Variants in ADNP observed in about 807,000 individuals in gnomAD.
ADNP encodes activity dependent neuroprotector homeobox.
Under a neutral mutation model 84.9 loss-of-function variants are expected in ADNP, and 4 were observed. The ratio of observed to expected loss-of-function variants is 0.05; its 90% CI spans 0.02 to 0.11. ADNP has a LOEUF of 0.11. Ranked by LOEUF, ADNP falls within the 10% of genes least tolerant of loss-of-function variation. The pLI is 1.00. For missense variants in ADNP, 1,132 were observed against 1,326.0 expected (o/e 0.85, Z 2.27); for synonymous variants, 554 against 468.1 (o/e 1.18, Z -2.37).
At chr20:50,923,735 C>T (rs1984108962) in intron 2 of ADNP, among the ~76,000 whole-genome samples, 1 of 152,128 alleles carries the variant, frequency 6.6e-6, no homozygotes, top group Non-Finnish European at 1.5e-5. Flanking sequence ...CCAGGCTGGT[C>T]TTGAACTCCT....
intron 2 of ADNP, among the ~76,000 whole-genome samples, chr20:50,927,571 T>C (rs1984375353): frequency 6.6e-6 from 1 of 152,136 alleles, no homozygotes; most frequent in African/African-American, 2.4e-5. Flanking sequence ...TTTTTTTTTT[T>C]TTTTGGTAGA....
chr20:50,902,699 A>C (rs1982107457), intron 4 of ADNP, among the ~76,000 whole-genome samples: 1 of 152,194 alleles, frequency 6.6e-6, no homozygotes, highest in Non-Finnish European at 1.5e-5. Context: ...TCTTAGGGTA[A>C]AATCCCACTT....
intron 4 of ADNP, 97 bp downstream of exon 4, chr20:50,903,792 A>T: frequency 1.2e-6 from 1 of 864,174 alleles, no homozygotes; most frequent in Non-Finnish European, 1.8e-6. Context: ...GCTGAAATTC[A>T]GAATCACATC....
At chr20:50,928,972 G>C (rs1984464257) in intron 1 of ADNP, 147 bp from the exon 2 acceptor site, 2 of 152,206 alleles carry the variant, frequency 1.3e-5, no homozygotes, top group South Asian at 2.1e-4. Context: ...AATTTGGAGG[G>C]AAACGAAATT....
intron 2 of ADNP, among the ~76,000 whole-genome samples, chr20:50,926,441 AT>A (rs1044443664): frequency 4.6e-5 from 7 of 152,228 alleles, no homozygotes; most frequent in African/African-American, 1.4e-4. Flanking sequence ...AAAACTTCCT[AT>A]TTTTTTCTTT....
In ADNP at chr20:50,893,626, G is replaced by A. The variant is rs1192456925; in HGVS notation, c.1088C>T (p.Ser363Phe). The change falls in exon 6 of 6, where the codon TCT (serine) becomes TTT (phenylalanine). Residue 363 changes from serine to phenylalanine, a missense_variant. Physicochemically the swap from Ser to Phe is radical, Grantham distance 155. Coordinates refer to ENST00000621696, the MANE Select transcript of ADNP (RefSeq NM_001282531.3). This position sits in a 1 kb window ranked among gnomAD's most constrained non-coding sequence, Gnocchi z 4.4. ...GNAPVSIPQQ[S>F]QSVKQLLPSG... ...TGGAAGTAACTGCTTTACAGACTGA[G>A]ATTGTTGAGGAATGGAAACTGGTGC... is the stretch of plus-strand genomic sequence containing the variant. 2 of 1,614,066 alleles carry A rather than the reference G, an allele frequency of 1.2e-6. No homozygotes were observed. The highest frequency in any genetic ancestry group is 1.3e-5 in the African/African-American group (1 of 74,932).
chr20:50,908,788 A>T (rs1982747347), intron 2 of ADNP, among the ~76,000 whole-genome samples: 1 of 152,016 alleles, frequency 6.6e-6, no homozygotes. Flanking sequence ...AAAAGAAAAA[A>T]AAAGTTATCT....
chr20:50,923,036 CAGG>C (rs1300536067), intron 2 of ADNP, among the ~76,000 whole-genome samples: 5 of 151,990 alleles, frequency 3.3e-5, no homozygotes, highest in East Asian at 3.9e-4. Flanking sequence ...GTAAGGAGAG[CAGG>C]AGAAGATCAG....
At chr20:50,904,157 T>C in intron 3 of ADNP, 156 bp from the exon 4 acceptor site, 1 of 609,114 alleles carries the variant, frequency 1.6e-6, no homozygotes, top group Non-Finnish European at 2.9e-6. Context: ...ACACACCTGC[T>C]TTCATGTGCA....
At chr20:50,899,784 A>AT (rs1981776369) in intron 5 of ADNP, among the ~76,000 whole-genome samples, 1 of 141,866 alleles carries the variant, frequency 7.0e-6, no homozygotes, top group South Asian at 2.2e-4. Context: ...AACAGTTTAA[A>AT]AAGTTAAAAA....
intron 2 of ADNP, among the ~76,000 whole-genome samples, chr20:50,919,325 CCAGGTGTGATGGTGCATGCCT>C: frequency 7.9e-6 from 1 of 126,034 alleles, no homozygotes; most frequent in Non-Finnish European, 1.6e-5. Flanking sequence ...ATGTAAAAAG[CCAGGTGTGATGGTGCATGCCT>C]ATAGTCCCAG....
At chr20:50,912,828 A>G (rs1444232517) in intron 2 of ADNP, among the ~76,000 whole-genome samples, 5 of 152,014 alleles carry the variant, frequency 3.3e-5, no homozygotes, top group African/African-American at 4.8e-5. Flanking sequence ...GTGATTTTTA[A>G]AAAAACATTT....
chr20:50,907,516 C>T (rs551597403), intron 2 of ADNP, among the ~76,000 whole-genome samples: 1 of 152,292 alleles, frequency 6.6e-6, no homozygotes, highest in South Asian at 2.1e-4. Context: ...ATCCACCTGC[C>T]TCAGCCTCCC....
At chr20:50,897,896 G>C (rs1981581034) in intron 5 of ADNP, among the ~76,000 whole-genome samples, 2 of 152,132 alleles carry the variant, frequency 1.3e-5, no homozygotes, top group African/African-American at 4.8e-5. Context: ...AGAGGAGCAG[G>C]GTCACCCACG....
chr20:50,894,482 C>A lies in ADNP; in HGVS notation c.232G>T (p.Ala78Ser). 1 of 1,602,164 alleles carries A rather than the reference C, an allele frequency of 6.2e-7. No homozygotes were observed. The highest frequency in any genetic ancestry group is 1.1e-5 in the South Asian group (1 of 88,396). Residue 78 changes from alanine to serine, a missense_variant, in exon 6 of 6, where the codon GCT (alanine) becomes TCT (serine). This residue lies in a region of ADNP where 56 missense variants were observed against 94.6 expected (regional missense o/e 0.59). Transcript: ENST00000621696. The part of the protein sequence containing the change: ...DYRTKPFCCS[A>S]CPFSSKFFSA... ...AAGAATTTTGAGGAAAATGGACAAG[C>A]GCTGCAGCAGAAAGGTTTTGTCCGA...
rs774318764 is a variant in ADNP at position 50,894,519 on chromosome 20, TA to T, written c.202-8del. ...AAGGTTTTGTCCGATAGTCCTAAAG[TA>T]AACACAAAAACTAGAATTAGAATGC... On this transcript the variant is annotated splice_polypyrimidine_tract_variant and splice_region_variant and intron_variant, in intron 5 of 5. Coordinates refer to ENST00000621696, the MANE Select transcript of ADNP (RefSeq NM_001282531.3). 5.1e-6 allele frequency: 8 copies of T among 1,565,282 alleles called. No individual in the cohort carries two copies. Among genetic ancestry groups the T allele is most frequent in the Non-Finnish European group, 6.9e-6 (8 of 1,162,440 alleles).
At chr20:50,896,219 C>T (rs748671004) in intron 5 of ADNP, among the ~76,000 whole-genome samples, 4 of 152,080 alleles carry the variant, frequency 2.6e-5, no homozygotes, top group Non-Finnish European at 5.9e-5. Context: ...AGCGAGACTC[C>T]GTCTCAGAAA....
intron 2 of ADNP, among the ~76,000 whole-genome samples, chr20:50,928,323 C>T (rs892740145): frequency 6.6e-6 from 1 of 152,162 alleles, no homozygotes; most frequent in Non-Finnish European, 1.5e-5. Flanking sequence ...TTTCATCAGA[C>T]ATTTAAGGCT....
Position 50,891,182 on chromosome 20 carries a change from G to C in ADNP, c.*223C>G. The C allele has an allele frequency of 7.6e-7, 1 of 1,310,544 alleles. No homozygotes were observed. The highest frequency in any genetic ancestry group is 2.6e-5 in the South Asian group (1 of 39,044). The allele number at this position is 1,310,544 out of a possible 1,614,324, so 81.2% of individuals were successfully genotyped here. On this transcript the variant is annotated 3_prime_UTR_variant, in exon 6 of 6. Transcript: ENST00000621696. ...TGTATTCATGAGTCACCAGCTTATT[G>C]GTTTTTCACATTTAGTTACCGTGTC...
Sources: gnomAD v4.1 joint callset for allele counts (sites outside exome capture counted in the v4.1 genomes callset) on GRCh38, gnomAD v4.1.1 for gene constraint, gnomAD v4.1.1 regional missense constraint, Gnocchi (gnomAD v3.1) non-coding constraint, MANE v1.5 for transcripts, NCBI Gene and HGNC (gene_info 2026-07-23, HGNC 2026-07-21) for gene names.